The following CACNB4 variants were observed in gnomAD, a reference collection of about 807,000 sequenced individuals.
CACNB4 encodes the protein calcium voltage-gated channel auxiliary subunit beta 4, also known as voltage-dependent L-type calcium channel subunit beta-4.
In CACNB4, 32 loss-of-function variants were observed where a neutral mutation model predicts 71.2. The ratio of observed to expected loss-of-function variants is 0.45; its 90% CI spans 0.34 to 0.60. The LOEUF (loss-of-function observed/expected upper bound fraction) is 0.60, where lower values mean the gene tolerates loss of function less well. Ranked by LOEUF, CACNB4 falls within the 20% of genes least tolerant of loss-of-function variation. The probability of loss-of-function intolerance (pLI) is 0.01; values close to 1 mark genes in which losing one functional copy is unlikely to be tolerated. For missense variants in CACNB4, 464 were observed against 647.9 expected (o/e 0.72, Z 3.08); for synonymous variants, 231 against 236.9 (o/e 0.97, Z 0.23).
intron 12 of CACNB4, among the ~76,000 whole-genome samples, chr2:151,843,478 C>A (rs1192456596): frequency 6.6e-6 from 1 of 152,066 alleles, no homozygotes; most frequent in Admixed American, 6.6e-5. Context: ...CTGTGCCTGG[C>A]TAACTTTTTT....
intron 2 of CACNB4, among the ~76,000 whole-genome samples, chr2:152,050,193 G>A (rs911775856): frequency 6.6e-6 from 1 of 152,176 alleles, no homozygotes; most frequent in Non-Finnish European, 1.5e-5. Context: ...ACGTAAAGAC[G>A]AGGAAAGAAA....
At chr2:152,018,218 T>C (rs1285696864) in intron 2 of CACNB4, among the ~76,000 whole-genome samples, 2 of 152,086 alleles carry the variant, frequency 1.3e-5, no homozygotes, top group African/African-American at 2.4e-5. Context: ...TGAAATGGGC[T>C]GGAGGAATTA....
chr2:151,988,196 C>G (rs1269315443), intron 2 of CACNB4, among the ~76,000 whole-genome samples: 1 of 151,966 alleles, frequency 6.6e-6, no homozygotes, highest in African/African-American at 2.4e-5. Context: ...TCAAAGTGGA[C>G]AACGGTTGCG....
At chr2:151,954,644 T>C (rs926283679) in intron 2 of CACNB4, among the ~76,000 whole-genome samples, 5 of 152,104 alleles carry the variant, frequency 3.3e-5, no homozygotes, top group Middle Eastern at 3.2e-3. Context: ...ATCACAGACA[T>C]AATAACTCTG....
chr2:151,833,288 A>G lies in CACNB4; in HGVS notation c.*5831T>C, dbSNP rs2099834198. 6.6e-6 allele frequency: 1 copy of G among 152,070 alleles called. No individual in the cohort carries two copies. The highest frequency in any genetic ancestry group is 2.4e-5 in the African/African-American group (1 of 41,422). 9.4% of individuals were successfully genotyped at this position (152,070 alleles called of 1,614,324 possible). ...ATTCCTTCCCACCATCCCTACAAAAACACAGCTAATGGCTTTAACTTATGT... is the reference window on the plus strand; with the variant it reads ...ATTCCTTCCCACCATCCCTACAAAAGCACAGCTAATGGCTTTAACTTATGT... On this transcript the variant is annotated 3_prime_UTR_variant, in exon 14 of 14. Coordinates refer to ENST00000539935, the MANE Select transcript of CACNB4 (RefSeq NM_000726.5).
At chr2:151,963,615 GT>G (rs1350270146) in intron 2 of CACNB4, among the ~76,000 whole-genome samples, 3 of 151,994 alleles carry the variant, frequency 2.0e-5, no homozygotes, top group African/African-American at 2.4e-5. Flanking sequence ...AACTAAATTG[GT>G]TTTTTTCTGA....
chr2:151,928,013 C>G (rs2099860681), intron 2 of CACNB4, among the ~76,000 whole-genome samples: 1 of 152,194 alleles, frequency 6.6e-6, no homozygotes, highest in South Asian at 2.1e-4. Flanking sequence ...TAAGCACAAG[C>G]TGGAGCTGGG....
At chr2:151,982,143 C>A (rs2099874827) in intron 2 of CACNB4, among the ~76,000 whole-genome samples, 1 of 152,130 alleles carries the variant, frequency 6.6e-6, no homozygotes, top group East Asian at 1.9e-4. Context: ...CTAAAAGCTC[C>A]AGTATTCTTT....
chr2:151,879,136 C>G (rs1185375551), intron 4 of CACNB4, among the ~76,000 whole-genome samples: 1 of 152,140 alleles, frequency 6.6e-6, no homozygotes, highest in Non-Finnish European at 1.5e-5. Context: ...GAGGACAAAA[C>G]AGACCATGAG....
chr2:152,095,808 C>T (rs769460673), intron 2 of CACNB4, among the ~76,000 whole-genome samples: 8 of 152,080 alleles, frequency 5.3e-5, no homozygotes, highest in Non-Finnish European at 8.8e-5. Flanking sequence ...CACACCACCA[C>T]GCTTGGCAAA....
intron 5 of CACNB4, among the ~76,000 whole-genome samples, chr2:151,875,976 A>G (rs1421778330): frequency 8.4e-6 from 1 of 119,414 alleles, no homozygotes; most frequent in African/African-American, 3.2e-5. Flanking sequence ...CGGGGGGCTG[A>G]CTCCCCCACC....
intron 3 of CACNB4, 82 bp from the exon 4 acceptor site, chr2:151,881,004 G>T (rs2099847678): frequency 7.4e-7 from 1 of 1,355,326 alleles, no homozygotes; most frequent in Non-Finnish European, 1.0e-6. Context: ...ATAGTACCAG[G>T]TAGTGAGAAA....
chr2:151,925,500 AT>A (rs766926972), intron 2 of CACNB4, among the ~76,000 whole-genome samples: 8 of 152,338 alleles, frequency 5.3e-5, no homozygotes, highest in Non-Finnish European at 2.9e-5. Context: ...TGCTGAATGA[AT>A]TCCATAAGTC....
At chr2:152,082,508 G>A (rs1325340424) in intron 2 of CACNB4, among the ~76,000 whole-genome samples, 1 of 152,196 alleles carries the variant, frequency 6.6e-6, no homozygotes, top group African/African-American at 2.4e-5. Flanking sequence ...CCTCAGACCT[G>A]AGAGCTAACT....
chr2:152,062,747 C>CAGAGGACACGGGAGG (rs1236898324), intron 2 of CACNB4, among the ~76,000 whole-genome samples: 2 of 152,150 alleles, frequency 1.3e-5, no homozygotes, highest in Non-Finnish European at 2.9e-5. Flanking sequence ...AAGCATTTGG[C>CAGAGGACACGGGAGG]AGAGGACACG....
chr2:151,979,229 A>G (rs552617157), intron 2 of CACNB4, among the ~76,000 whole-genome samples: 105 of 152,344 alleles, frequency 6.9e-4, no homozygotes, highest in African/African-American at 2.3e-3. Flanking sequence ...ATAAAGAGGC[A>G]GAGACAGAAA....
intron 2 of CACNB4, among the ~76,000 whole-genome samples, chr2:152,020,254 C>T (rs974249951): frequency 2.6e-5 from 4 of 152,312 alleles, no homozygotes; most frequent in Non-Finnish European, 4.4e-5. Flanking sequence ...ATTTCTATGT[C>T]CATTTGGGTT....
intron 5 of CACNB4, among the ~76,000 whole-genome samples, chr2:151,875,932 A>C (rs112414096): frequency 2.1e-4 from 2 of 9,346 alleles, no homozygotes; most frequent in Non-Finnish European, 5.9e-4. Context: ...GGGCAGAGGC[A>C]CCCCTCACCT....
chr2:151,952,909 G>C (rs576313694), intron 2 of CACNB4, among the ~76,000 whole-genome samples: 2 of 152,306 alleles, frequency 1.3e-5, no homozygotes, highest in East Asian at 3.9e-4. Context: ...AGCTTTCTTT[G>C]CTCATTGCTT....
Sources: gnomAD v4.1 joint callset for allele counts (sites outside exome capture counted in the v4.1 genomes callset) on GRCh38, gnomAD v4.1.1 for gene constraint, MANE v1.5 for transcripts, NCBI Gene and HGNC (gene_info 2026-07-23, HGNC 2026-07-21) for gene names.